The following IRGM variants were observed in gnomAD, a reference collection of about 807,000 sequenced individuals.
IRGM encodes the protein immunity-related GTPase family M protein.
For missense variants in IRGM, 288 were observed against 219.9 expected (o/e 1.31, Z -1.96); for synonymous variants, 98 against 80.6 (o/e 1.22, Z -1.16).
intron 3 of IRGM, among the ~76,000 whole-genome samples, chr5:150,887,222 T>C (rs1561751093): frequency 6.6e-6 from 1 of 151,926 alleles, no homozygotes; most frequent in Non-Finnish European, 1.5e-5. Context: ...AGTGGAAGGA[T>C]GAAATAGCTG....
chr5:150,850,003 C>T (rs183755760), downstream of IRGM, among the ~76,000 whole-genome samples: 152 of 152,040 alleles, frequency 1.0e-3, 4 homozygotes, highest in Non-Finnish European at 2.9e-4. Flanking sequence ...CAATTGTAAG[C>T]CAAATATATA....
intron 3 of IRGM, chr5:150,894,642 A>G (rs1179080821): frequency 6.6e-6 from 1 of 152,266 alleles, no homozygotes; most frequent in Non-Finnish European, 1.5e-5. Context: ...AAAAGTACTA[A>G]TATTAACTGA....
Position 150,896,884 on chromosome 5 carries a change from C to T in IRGM, c.*141-3705C>T, listed in dbSNP as rs146141576. 4.8e-4 allele frequency: 769 copies of T among 1,613,546 alleles called. 7 individuals carry two copies. The African/African-American group carries it at 9.0e-3, about 19-fold the overall frequency. On this transcript the variant is annotated intron_variant and NMD_transcript_variant, in intron 3 of 3. Transcript: ENST00000520549. ...ACTTTTAAAATGGAGCACAATGAAC[C>T]ATCCCTTGTGACTCCTTTCAGTATC... is the stretch of plus-strand genomic sequence containing the variant.
In IRGM at chr5:150,847,186, T is replaced by G. The variant is rs1448473328; in HGVS notation, c.-450T>G. 6.6e-6 allele frequency: 1 copy of G among 152,396 alleles called. No individual in the cohort carries two copies. Among genetic ancestry groups the G allele is most frequent in the Non-Finnish European group, 1.5e-5 (1 of 68,094 alleles). 9.4% of individuals were successfully genotyped at this position (152,396 alleles called of 1,614,324 possible). A position where few individuals can be genotyped will look rare whatever the true frequency, so the allele number is the denominator to read the frequency against. On this transcript the variant is annotated 5_prime_UTR_variant, in exon 1 of 2. Coordinates refer to ENST00000522154, the MANE Select transcript of IRGM (RefSeq NM_001145805.2). ...CTTCACGTATATTGCAGCATTTCAG[T>G]ACTGCTCTGCACGTGTGCTCCCCCG...
exon 3 of IRGM, chr5:150,879,595 A>G (rs1037578902): frequency 6.6e-6 from 1 of 152,248 alleles, no homozygotes; most frequent in Non-Finnish European, 1.5e-5. Flanking sequence ...CTGGCCTGCC[A>G]TGAGAAATAC....
intron 3 of IRGM, among the ~76,000 whole-genome samples, chr5:150,891,757 T>TA (rs1754613728): frequency 6.6e-6 from 1 of 152,070 alleles, no homozygotes; most frequent in Non-Finnish European, 1.5e-5. Context: ...TTGTGTATGA[T>TA]ATGGCACTTT....
chr5:150,879,325 A>T (rs533654115), intron 2 of IRGM, among the ~76,000 whole-genome samples: 1 of 152,324 alleles, frequency 6.6e-6, no homozygotes, highest in African/African-American at 2.4e-5. Context: ...TGTGCATTGA[A>T]ACACCAGTGT....
intron 1 of IRGM, among the ~76,000 whole-genome samples, chr5:150,868,788 A>G (rs938664373): frequency 2.0e-5 from 3 of 152,092 alleles, no homozygotes; most frequent in African/African-American, 7.2e-5. Context: ...CAGCTTGGTC[A>G]CTGTTGGTGT....
At chr5:150,879,985 A>G (rs1345772664) in intron 3 of IRGM, among the ~76,000 whole-genome samples, 3 of 152,200 alleles carry the variant, frequency 2.0e-5, no homozygotes, top group African/African-American at 2.4e-5. Flanking sequence ...TAGTTGAGGG[A>G]TCAGCAGGCT....
chr5:150,873,072 A>C (rs1382570985), intron 1 of IRGM, among the ~76,000 whole-genome samples: 1 of 152,218 alleles, frequency 6.6e-6, no homozygotes, highest in African/African-American at 2.4e-5. Flanking sequence ...AAGTGGCGGC[A>C]CTCAACCATC....
intron 1 of IRGM, among the ~76,000 whole-genome samples, chr5:150,869,493 T>C (rs1390398067): frequency 6.6e-6 from 1 of 152,158 alleles, no homozygotes; most frequent in Non-Finnish European, 1.5e-5. Context: ...ACTAACTTCA[T>C]AGAATGATTT....
chr5:150,896,765 C>T (rs1754801850), intron 3 of IRGM: 4 of 1,613,716 alleles, frequency 2.5e-6, no homozygotes, highest in South Asian at 1.1e-5. Flanking sequence ...GCCCTGATGC[C>T]TCAGTCACTG....
chr5:150,899,514 A>G (rs1754920180), intron 3 of IRGM, among the ~76,000 whole-genome samples: 1 of 152,096 alleles, frequency 6.6e-6, no homozygotes, highest in Non-Finnish European at 1.5e-5. Context: ...AAATGATCTT[A>G]GCTTCCCCCA....
intron 1 of IRGM, among the ~76,000 whole-genome samples, chr5:150,869,459 T>C (rs1430316361): frequency 6.6e-6 from 1 of 152,092 alleles, no homozygotes; most frequent in Non-Finnish European, 1.5e-5. Context: ...TATTGTCCTT[T>C]CCTGGCTTTG....
chr5:150,861,425 A>T (rs1343255177), intron 1 of IRGM, among the ~76,000 whole-genome samples: 1 of 152,230 alleles, frequency 6.6e-6, no homozygotes, highest in African/African-American at 2.4e-5. Context: ...ACTTCACAGC[A>T]TTCTACATTC....
At chr5:150,876,223 G>C (rs994959180) in intron 1 of IRGM, among the ~76,000 whole-genome samples, 2 of 152,170 alleles carry the variant, frequency 1.3e-5, no homozygotes, top group Admixed American at 1.3e-4. Flanking sequence ...TGTATGCTCT[G>C]AATCAGCATC....
chr5:150,877,874 A>G, intron 1 of IRGM: 2 of 394,916 alleles, frequency 5.1e-6, no homozygotes, highest in Non-Finnish European at 1.0e-5. Context: ...GCATTTTTGC[A>G]TAACTTAAAG....
intron 3 of IRGM, among the ~76,000 whole-genome samples, chr5:150,880,263 G>A (rs962663334): frequency 1.3e-5 from 2 of 152,026 alleles, no homozygotes; most frequent in Non-Finnish European, 2.9e-5. Context: ...GAGGGTCCTC[G>A]GCATGTGTAG....
At chr5:150,898,932 A>T (rs1011642572) in intron 3 of IRGM, among the ~76,000 whole-genome samples, 2 of 152,036 alleles carry the variant, frequency 1.3e-5, no homozygotes, top group Non-Finnish European at 2.9e-5. Flanking sequence ...AGTACCTCAA[A>T]ATGTGATATG....
Sources: gnomAD v4.1 joint callset for allele counts (sites outside exome capture counted in the v4.1 genomes callset) on GRCh38, gnomAD v4.1.1 for gene constraint, MANE v1.5 for transcripts, NCBI Gene and HGNC (gene_info 2026-07-23, HGNC 2026-07-21) for gene names.